The following USP21 variants were observed in gnomAD, a reference collection of about 807,000 sequenced individuals.
The protein encoded by USP21 is ubiquitin carboxyl-terminal hydrolase 21.
A neutral mutation model predicts 70.8 loss-of-function variants in USP21; 37 were observed. The ratio of observed to expected loss-of-function variants is 0.52; its 90% CI spans 0.40 to 0.69. The LOEUF (loss-of-function observed/expected upper bound fraction) is 0.69. Ranked by LOEUF, USP21 falls within the 30% of genes least tolerant of loss-of-function variation. The pLI is 0.00. For missense variants in USP21, 584 were observed against 740.8 expected (o/e 0.79, Z 2.46); for synonymous variants, 263 against 283.1 (o/e 0.93, Z 0.71).
At chr1:161,165,169 C>T in intron 13 of USP21, 26 bp downstream of exon 13, 1 of 1,596,600 alleles carries the variant, frequency 6.3e-7, no homozygotes, top group South Asian at 1.1e-5. Flanking sequence ...TATTTACATC[C>T]TGCCCCATTC....
At chr1:161,159,822 G>C (rs995150865) in intron 1 of USP21, 144 bp downstream of exon 1, 15 of 152,466 alleles carry the variant, frequency 9.8e-5, no homozygotes, top group Non-Finnish European at 1.8e-4. Flanking sequence ...AGCATCCCTG[G>C]ACCGCGGGGA....
At position 161,164,456 on chromosome 1, in the gene USP21, T is replaced by G; in HGVS notation, c.1306-78T>G. On this transcript the variant is annotated intron_variant, in intron 10 of 13. Coordinates refer to ENST00000368002, the MANE Select transcript of USP21 (RefSeq NM_001014443.3). This position sits in a 1 kb window ranked among gnomAD's most constrained non-coding sequence, Gnocchi z 4.2. ...GCTGTAATGAAGAGCATACTAAATTTGTATGTGGATCGGGGTGTCAGAAAA... is the reference window on the plus strand; with the variant it reads ...GCTGTAATGAAGAGCATACTAAATTGGTATGTGGATCGGGGTGTCAGAAAA... The G allele has an allele frequency of 6.5e-7, 1 of 1,545,558 alleles. No homozygotes were observed. Among genetic ancestry groups the G allele is most frequent in the Non-Finnish European group, 8.9e-7 (1 of 1,119,398 alleles).
chr1:161,165,199 T>TCC, intron 13 of USP21, 56 bp downstream of exon 13: 1 of 1,520,620 alleles, frequency 6.6e-7, no homozygotes, highest in South Asian at 1.1e-5. Flanking sequence ...CCTGACACCC[T>TCC]CCCCTTCTAT....
In USP21 at chr1:161,162,147, G is replaced by T; in HGVS notation, c.660+50G>T. The T allele has an allele frequency of 1.9e-6, 3 of 1,613,326 alleles. No homozygotes were observed. In the South Asian group the frequency reaches 3.3e-5, roughly 18 times the overall value. ...CTCTCTAAAAGGAATGTGAAATGGT[G>T]CTGGGGGTGGGGAAAACCCACGAGC... On this transcript the variant is annotated intron_variant, in intron 4 of 13. Coordinates refer to ENST00000368002, the MANE Select transcript of USP21 (RefSeq NM_001014443.3). This position sits in a 1 kb window ranked among gnomAD's most constrained non-coding sequence, Gnocchi z 4.1.
chr1:161,161,322 T>C lies in USP21; in HGVS notation c.600+82T>C. 3 of 1,485,194 alleles carry C rather than the reference T, an allele frequency of 2.0e-6. No homozygotes were observed. Among genetic ancestry groups the C allele is most frequent in the Non-Finnish European group, 2.7e-6 (3 of 1,114,950 alleles). The allele number at this position is 1,485,194 out of a possible 1,614,324, so 92.0% of individuals were successfully genotyped here. ...CATCCTCTGCCTTTTCTGTCCCCCA[T>C]TTCCCTGAAGTTCCTTTCTCAGCCC... is the stretch of plus-strand genomic sequence containing the variant. On this transcript the variant is annotated intron_variant, in intron 3 of 13. Coordinates refer to ENST00000368002, the MANE Select transcript of USP21 (RefSeq NM_001014443.3). This position sits in a 1 kb window ranked among gnomAD's most constrained non-coding sequence, Gnocchi z 4.2.
Position 161,165,045 on chromosome 1 carries a change from G to C in USP21, c.1509G>C (p.Gln503His), listed in dbSNP as rs777810884. The C allele has an allele frequency of 1.2e-6, 2 of 1,614,048 alleles. No individual in the cohort carries two copies. Among genetic ancestry groups the C allele is most frequent in the Non-Finnish European group, 1.7e-6 (2 of 1,180,022 alleles). The change falls in exon 13 of 14, where the codon CAG becomes CAC. Residue 503 changes from glutamine to histidine, a missense_variant. Gln to His is a conservative substitution (Grantham distance 24). Around this residue, in one of 4 missense-constraint regions of USP21, gnomAD observed 173 missense variants for 268.2 expected, o/e 0.65. Transcript: ENST00000368002. ...ASDKAGSPVY[Q>H]LYALCNHSGS... Reference sequence around the variant, plus strand: ...ACCCCGCAGGAAGTCCTGTATACCAGCTGTATGCCCTTTGCAACCACTCAG... The same window carrying C: ...ACCCCGCAGGAAGTCCTGTATACCACCTGTATGCCCTTTGCAACCACTCAG...
intron 13 of USP21, 28 bp downstream of exon 13, chr1:161,165,171 G>T: frequency 6.3e-7 from 1 of 1,596,160 alleles, no homozygotes. Context: ...TTTACATCCT[G>T]CCCCATTCCC....
rs1657973719 is a variant in USP21, at chr1:161,162,142, A to G, written c.660+45A>G. ...CTTTCCTCTCTAAAAGGAATGTGAA[A>G]TGGTGCTGGGGGTGGGGAAAACCCA... is the stretch of plus-strand genomic sequence containing the variant. On this transcript the variant is annotated intron_variant, in intron 4 of 13. Coordinates refer to ENST00000368002, the MANE Select transcript of USP21 (RefSeq NM_001014443.3). The surrounding 1 kb of genome is among the most constrained non-coding windows in gnomAD (Gnocchi z 4.1). 3 of 1,613,214 alleles carry G rather than the reference A, an allele frequency of 1.9e-6. No homozygotes were observed. In the South Asian group the frequency reaches 3.3e-5, roughly 18 times the overall value.
rs1218213237 is a variant in USP21 at position 161,160,501 on chromosome 1, T to C, written c.-27T>C. On this transcript the variant is annotated 5_prime_UTR_variant, in exon 2 of 14. Coordinates refer to ENST00000368002, the MANE Select transcript of USP21 (RefSeq NM_001014443.3). ...ATGTGGAAATGAGAGGACAGCAAGA[T>C]TGTGGGTATGGAATGGGGCAAAGCA... The C allele has an allele frequency of 2.8e-6, 3 of 1,058,706 alleles. No individual in the cohort carries two copies. Among genetic ancestry groups the C allele is most frequent in the Admixed American group, 2.2e-5 (1 of 45,766 alleles). The allele number at this position is 1,058,706 out of a possible 1,614,324, so 65.6% of individuals were successfully genotyped here. A position where few individuals can be genotyped will look rare whatever the true frequency, so the allele number is the denominator to read the frequency against.
In USP21 at chr1:161,164,298, G is replaced by A. The variant is rs754106138; in HGVS notation, c.1305+48G>A. On this transcript the variant is annotated intron_variant, in intron 10 of 13. Transcript: ENST00000368002. The surrounding 1 kb of genome is among the most constrained non-coding windows in gnomAD (Gnocchi z 4.2). ...TACAGTAAGGGTGGGAGACCTGGGG[G>A]GACTCCATGTGGATAAAAGGGATTG... 7 of 1,561,728 alleles carry A rather than the reference G, an allele frequency of 4.5e-6. No individual in the cohort carries two copies. The highest frequency in any genetic ancestry group is 4.5e-5 in the East Asian group (2 of 44,642).
chr1:161,162,522 TC>T lies in USP21; in HGVS notation c.782-91del. ...TATCTACTTTTCCCAGTGCCTACTTTCCTAAAGGTTATTTTCTACCCTCTGA... is the reference window on the plus strand; with the variant it reads ...TATCTACTTTTCCCAGTGCCTACTTTCTAAAGGTTATTTTCTACCCTCTGA... On this transcript the variant is annotated intron_variant, in intron 5 of 13. Transcript: ENST00000368002. This position sits in a 1 kb window ranked among gnomAD's most constrained non-coding sequence, Gnocchi z 4.1. 1 of 1,537,598 alleles carries T rather than the reference TC, an allele frequency of 6.5e-7. No homozygotes were observed. Among genetic ancestry groups the T allele is most frequent in the Non-Finnish European group, 9.0e-7 (1 of 1,115,924 alleles).
In USP21 at chr1:161,160,961, C is replaced by T. The variant is rs367894011; in HGVS notation, c.321C>T (p.Asn107=). The T allele has an allele frequency of 4.3e-6, 7 of 1,614,132 alleles. No homozygotes were observed. In the African/African-American group the frequency reaches 9.3e-5, roughly 22 times the overall value. Residue 107 remains asparagine, a synonymous_variant, in exon 3 of 14, where the codon AAC becomes AAT. Transcript: ENST00000368002. ...TVALPLPSRT[N]LARSKSVSSG... ...CTTTGCCTCTCCCATCTCGGACCAA[C>T]TTAGCCCGTTCCAAGTCTGTGAGCA...
At position 161,165,376 on chromosome 1, in the gene USP21, A is replaced by C. The variant is rs1658572848; in HGVS notation, c.1627A>C (p.Asn543His). 6.2e-7 allele frequency: 1 copy of C among 1,614,038 alleles called. No homozygotes were observed. The highest frequency in any genetic ancestry group is 1.3e-5 in the African/African-American group (1 of 74,970). Residue 543 changes from asparagine (N) to histidine (H), a missense_variant, in exon 14 of 14, where the codon AAC (asparagine) becomes CAC (histidine). Transcript: ENST00000368002. ...TCCTAGTGTCTCCCCTGTCAGTGAA[A>C]ACCAGGTGGCATCCAGCGAGGGCTA... ...NDSRVSPVSE[N>H]QVASSEGYVL...
Position 161,160,417 on chromosome 1 carries a change from C to A in USP21, c.-111C>A. On this transcript the variant is annotated 5_prime_UTR_variant, in exon 2 of 14. Transcript: ENST00000368002. ...ATAGATCTGGTTCCTGCCCTCAGTGCGTATACTGCTCCCCACTTTCGTTGA... is the reference window on the plus strand; with the variant it reads ...ATAGATCTGGTTCCTGCCCTCAGTGAGTATACTGCTCCCCACTTTCGTTGA... 1.6e-6 allele frequency: 1 copy of A among 623,182 alleles called. No individual in the cohort carries two copies. The highest frequency in any genetic ancestry group is 1.9e-5 in the South Asian group (1 of 52,446). 38.6% of individuals were successfully genotyped at this position (623,182 alleles called of 1,614,324 possible).
Position 161,162,463 on chromosome 1 carries a change from G to C in USP21, c.781+73G>C. ...ACCACTTGCAGGTCCATCTGCCACT[G>C]GTGGTGGCCCCCAACCCTTAAATCT... is the stretch of plus-strand genomic sequence containing the variant. On this transcript the variant is annotated intron_variant, in intron 5 of 13. Coordinates refer to ENST00000368002, the MANE Select transcript of USP21 (RefSeq NM_001014443.3). This position sits in a 1 kb window ranked among gnomAD's most constrained non-coding sequence, Gnocchi z 4.1. The C allele has an allele frequency of 1.3e-6, 2 of 1,559,084 alleles. No homozygotes were observed. Among genetic ancestry groups the C allele is most frequent in the Non-Finnish European group, 1.7e-6 (2 of 1,146,586 alleles).
chr1:161,161,922 G>C lies in USP21; in HGVS notation c.601-116G>C, dbSNP rs1657958182. The stretch of plus-strand genomic sequence containing the variant: ...AATACCTAGTGAGGGGAATAGGGTA[G>C]AGTTTGGGGATGAAACATGCATGGG... On this transcript the variant is annotated intron_variant, in intron 3 of 13. Coordinates refer to ENST00000368002, the MANE Select transcript of USP21 (RefSeq NM_001014443.3). The surrounding 1 kb of genome is among the most constrained non-coding windows in gnomAD (Gnocchi z 4.2). 3.0e-6 allele frequency: 3 copies of C among 992,210 alleles called. No individual in the cohort carries two copies. The highest frequency in any genetic ancestry group is 4.9e-6 in the Non-Finnish European group (3 of 618,244). 61.5% of individuals were successfully genotyped at this position (992,210 alleles called of 1,614,324 possible). A position where few individuals can be genotyped will look rare whatever the true frequency, so the allele number is the denominator to read the frequency against.
Position 161,162,104 on chromosome 1 carries a change from G to T in USP21, c.660+7G>T. ...TCGAAACCTGGGAAACACGGTGAGA[G>T]CTATTCTCCTATCTTTCCTCTCTAA... On this transcript the variant is annotated splice_region_variant and intron_variant, in intron 4 of 13. Transcript: ENST00000368002. This position sits in a 1 kb window ranked among gnomAD's most constrained non-coding sequence, Gnocchi z 4.1. 1.9e-6 allele frequency: 3 copies of T among 1,614,108 alleles called. No individual in the cohort carries two copies. Among genetic ancestry groups the T allele is most frequent in the South Asian group, 1.1e-5 (1 of 91,076 alleles).
At position 161,162,134 on chromosome 1, in the gene USP21, A is replaced by G; in HGVS notation, c.660+37A>G. 1.2e-6 allele frequency: 2 copies of G among 1,613,650 alleles called. No homozygotes were observed. The highest frequency in any genetic ancestry group is 1.7e-6 in the Non-Finnish European group (2 of 1,179,618). On this transcript the variant is annotated intron_variant, in intron 4 of 13. Transcript: ENST00000368002. This position sits in a 1 kb window ranked among gnomAD's most constrained non-coding sequence, Gnocchi z 4.1. ...TCTCCTATCTTTCCTCTCTAAAAGG[A>G]ATGTGAAATGGTGCTGGGGGTGGGG...
intron 13 of USP21, 55 bp downstream of exon 13, chr1:161,165,198 C>T (rs776937819): frequency 9.1e-6 from 14 of 1,530,856 alleles, no homozygotes; most frequent in South Asian, 1.1e-5. Flanking sequence ...CCCTGACACC[C>T]TCCCCTTCTA....
Sources: allele counts gnomAD v4.1 joint callset, GRCh38; gene constraint gnomAD v4.1.1; regional missense constraint gnomAD v4.1.1; non-coding constraint Gnocchi (gnomAD v3.1); transcripts MANE v1.5; gene names NCBI Gene and HGNC (gene_info 2026-07-23, HGNC 2026-07-21).